The following UNC13A variants were observed in gnomAD, a reference collection of about 807,000 sequenced individuals.
The protein encoded by UNC13A is unc-13 homolog A, also known as protein unc-13 homolog A.
UNC13A carries 61 observed loss-of-function variants against 219.7 expected under a neutral mutation model. The observed-to-expected ratio is 0.28, with a 90% CI of 0.23 to 0.34. The LOEUF (loss-of-function observed/expected upper bound fraction) is 0.34, where lower values mean the gene tolerates loss of function less well. Among genes scored for constraint, UNC13A ranks in the 10% least tolerant of loss-of-function variants. The probability of loss-of-function intolerance (pLI) is 1.00; values close to 1 mark genes in which losing one functional copy is unlikely to be tolerated. For missense variants in UNC13A, 1,476 were observed against 2,270.3 expected, an observed-to-expected ratio of 0.65 and a Z score of 7.11; for synonymous variants, 920 against 884.6, an observed-to-expected ratio of 1.04 and a Z score of -0.71.
chr19:17,636,157 C>T lies in UNC13A; in HGVS notation c.3082G>A (p.Ala1028Thr). ...TCTGGGAGAACTTCCCCCTTCTTGG[C>T]CTGAAATGGACAGTGGAGACCTCGG... ...LYSREYQTDP[A>T]KKGEVLPEEQ... Residue 1028 changes from alanine to threonine, a missense_variant and splice_region_variant, in exon 26 of 44, where the codon GCC becomes ACC. Ala to Thr is a moderately conservative substitution (Grantham distance 58, BLOSUM62 0). Coordinates refer to ENST00000519716, the MANE Select transcript of UNC13A (RefSeq NM_001080421.3). 6.3e-7 allele frequency: 1 copy of T among 1,594,232 alleles called. No homozygotes were observed. The highest frequency in any genetic ancestry group is 8.6e-7 in the Non-Finnish European group (1 of 1,169,526).
intron 25 of UNC13A, among the ~76,000 whole-genome samples, 152 bp downstream of exon 25, chr19:17,638,931 C>A (rs912526347): frequency 2.0e-5 from 3 of 152,074 alleles, no homozygotes; most frequent in African/African-American, 7.2e-5. Context: ...AACTCTTCTC[C>A]CTAATCCTGA....
At chr19:17,658,022 C>T in intron 9 of UNC13A, 40 bp downstream of exon 9, 1 of 1,596,230 alleles carries the variant, frequency 6.3e-7, no homozygotes, top group African/African-American at 1.3e-5. Flanking sequence ...CCAGGAGACA[C>T]AGCAGGACCC....
chr19:17,610,281 C>A (rs1455018526), intron 42 of UNC13A, among the ~76,000 whole-genome samples, 182 bp from the exon 43 acceptor site: 1 of 152,104 alleles, frequency 6.6e-6, no homozygotes, highest in Non-Finnish European at 1.5e-5. Context: ...GCCTGGGCAA[C>A]ATGGTGAAAC....
intron 2 of UNC13A, among the ~76,000 whole-genome samples, chr19:17,675,676 C>T (rs1011638436): frequency 1.1e-4 from 16 of 151,586 alleles, no homozygotes; most frequent in African/African-American, 3.2e-4. Flanking sequence ...AAACTCCTTT[C>T]GCCTCTCTGA....
intron 41 of UNC13A, among the ~76,000 whole-genome samples, chr19:17,613,447 C>T (rs1031216020): frequency 1.3e-5 from 2 of 152,040 alleles, no homozygotes; most frequent in African/African-American, 2.4e-5. Flanking sequence ...TCCATGGCTC[C>T]CACCTCACTC....
intron 2 of UNC13A, among the ~76,000 whole-genome samples, chr19:17,675,630 C>CA (rs35996994): frequency 0.042 from 5,363 of 127,310 alleles, 149 homozygotes; most frequent in African/African-American, 0.095. Flanking sequence ...GACTCTGTCT[C>CA]AAAAAAAAAA....
chr19:17,677,839 T>C (rs17654300), intron 1 of UNC13A, among the ~76,000 whole-genome samples: 31,139 of 152,178 alleles, frequency 0.2, 3,723 homozygotes, highest in Middle Eastern at 0.32. Flanking sequence ...GCAATCAACG[T>C]TGGCAGTTCC....
intron 1 of UNC13A, among the ~76,000 whole-genome samples, chr19:17,677,828 T>C (rs1227365682): frequency 6.6e-6 from 1 of 152,180 alleles, no homozygotes; most frequent in Non-Finnish European, 1.5e-5. Flanking sequence ...CCCTCCCAAA[T>C]GCAATCAACG....
chr19:17,628,258 G>T, intron 31 of UNC13A: 1 of 395,036 alleles, frequency 2.5e-6, no homozygotes, highest in Non-Finnish European at 4.7e-6. Flanking sequence ...AAGCTTTGCA[G>T]CTCACACCCT....
At chr19:17,623,469 G>A in intron 36 of UNC13A, 73 bp downstream of exon 36, 1 of 1,271,916 alleles carries the variant, frequency 7.9e-7, no homozygotes, top group South Asian at 1.4e-5. Flanking sequence ...GGAGAGGGGT[G>A]CAGCGACGCG....
chr19:17,647,067 C>T (rs1425626993), intron 17 of UNC13A, among the ~76,000 whole-genome samples, 198 bp downstream of exon 17: 2 of 152,222 alleles, frequency 1.3e-5, no homozygotes, highest in African/African-American at 2.4e-5. Context: ...CAAGACGCAC[C>T]CAGATACAGT....
chr19:17,617,741 G>A lies in UNC13A; in HGVS notation c.4519C>T (p.Leu1507=), dbSNP rs2076683006. 2.5e-6 allele frequency: 4 copies of A among 1,613,864 alleles called. No individual in the cohort carries two copies. The highest frequency in any genetic ancestry group is 1.1e-5 in the South Asian group (1 of 91,096). The change falls in exon 41 of 44, where the codon CTG becomes TTG. Residue 1507 remains leucine, a synonymous_variant. Transcript: ENST00000519716. ...ALSLYTQATD[L]LIKTFVQTQS... ...GTCTGTACAAAGGTCTTGATTAGCA[G>A]GTCGGTGGCCTGCGTGTAGAGCGAC...
In UNC13A at chr19:17,618,981, A is replaced by G; in HGVS notation, c.4273-19T>C. On this transcript the variant is annotated intron_variant, in intron 38 of 43. Coordinates refer to ENST00000519716, the MANE Select transcript of UNC13A (RefSeq NM_001080421.3). ...GGGTTCCCTGCAGGTAACAACATAC[A>G]GCTGGGTGAGGGCAGGGGTGCTACA... The G allele has an allele frequency of 3.1e-6, 5 of 1,613,560 alleles. No individual in the cohort carries two copies. Among genetic ancestry groups the G allele is most frequent in the Non-Finnish European group, 4.2e-6 (5 of 1,179,496 alleles).
intron 40 of UNC13A, 137 bp downstream of exon 40, chr19:17,618,284 G>T: frequency 1.0e-6 from 1 of 967,046 alleles, no homozygotes; most frequent in Non-Finnish European, 1.6e-6. Context: ...GCCCAGCTCT[G>T]GCACAGACAG....
chr19:17,616,325 G>A (rs1214019206), intron 41 of UNC13A: 7 of 656,480 alleles, frequency 1.1e-5, no homozygotes, highest in African/African-American at 1.8e-5. Context: ...GCAGAAGGAC[G>A]ATCCTTTTAC....
At chr19:17,650,010 A>G (rs1216030763) in intron 12 of UNC13A, among the ~76,000 whole-genome samples, 3 of 152,132 alleles carry the variant, frequency 2.0e-5, no homozygotes, top group South Asian at 2.1e-4. Context: ...GGCTCTACCA[A>G]TGCCTTGATT....
chr19:17,627,677 A>C lies in UNC13A; in HGVS notation c.3832-80T>G, dbSNP rs1043473874. On this transcript the variant is annotated intron_variant, in intron 32 of 43. Transcript: ENST00000519716. This position sits in a 1 kb window ranked among gnomAD's most constrained non-coding sequence, Gnocchi z 4.7. ...GGCATTTTCTCATCTGACCCAGGGA[A>C]AGGGATCCCAAGGGGCTGCAGGGGA... is the stretch of plus-strand genomic sequence containing the variant. 50 of 1,297,058 alleles carry C rather than the reference A, an allele frequency of 3.9e-5. No individual in the cohort carries two copies. Among genetic ancestry groups the C allele is most frequent in the Non-Finnish European group, 5.3e-5 (49 of 918,762 alleles). 80.3% of individuals were successfully genotyped at this position (1,297,058 alleles called of 1,614,324 possible). A position where few individuals can be genotyped will look rare whatever the true frequency, so the allele number is the denominator to read the frequency against.
At chr19:17,647,581 C>CG (rs982266902) in intron 16 of UNC13A, 89 bp from the exon 17 acceptor site, 28 of 1,317,740 alleles carry the variant, frequency 2.1e-5, no homozygotes, top group South Asian at 2.6e-5. Context: ...ACTCATCAAC[C>CG]GGGGGGACTC....
In UNC13A at chr19:17,602,594, C is replaced by T. The variant is rs7256497; in HGVS notation, c.*3460G>A. 14,089 of 152,322 alleles carry T rather than the reference C, an allele frequency of 0.092. 766 individuals carry two copies. The highest frequency in any genetic ancestry group is 0.15 in the South Asian group (715 of 4,816). The allele number at this position is 152,322 out of a possible 1,614,324, so 9.4% of individuals were successfully genotyped here. ...ACTTGCTGGGTGGCGTTGAGGAAAG[C>T]CCTGCTCCTCTCTGGGCTTTGTTCT... is the stretch of plus-strand genomic sequence containing the variant. On this transcript the variant is annotated 3_prime_UTR_variant, in exon 44 of 44. Transcript: ENST00000519716.
Sources: gnomAD v4.1 joint callset for allele counts (sites outside exome capture counted in the v4.1 genomes callset) on GRCh38, gnomAD v4.1.1 for gene constraint, Gnocchi (gnomAD v3.1) non-coding constraint, MANE v1.5 for transcripts, NCBI Gene and HGNC (gene_info 2026-07-23, HGNC 2026-07-21) for gene names.